TBC1D22A: variants seen among roughly 807,000 people sequenced by gnomAD.
TBC1D22A encodes putative GTPase activator.
In TBC1D22A, 38 loss-of-function variants were observed where a neutral mutation model predicts 60.2. The ratio of observed to expected loss-of-function variants is 0.63; its 90% CI spans 0.49 to 0.83. The LOEUF (loss-of-function observed/expected upper bound fraction) is 0.83, where lower values mean the gene tolerates loss of function less well. TBC1D22A is among the 40% of genes least tolerant of loss of function. The probability of loss-of-function intolerance (pLI) is 0.00; values close to 1 mark genes in which losing one functional copy is unlikely to be tolerated. For synonymous variants in TBC1D22A, 302 were observed against 281.7 expected, an observed-to-expected ratio of 1.07 and a Z score of -0.72; for missense variants, 628 against 701.0, an observed-to-expected ratio of 0.90 and a Z score of 1.18.
intron 4 of TBC1D22A, among the ~76,000 whole-genome samples, chr22:46,834,197 A>G (rs1347594090): frequency 6.6e-6 from 1 of 152,182 alleles, no homozygotes; most frequent in Non-Finnish European, 1.5e-5. Context: ...ACTCAAGGGT[A>G]TAAGGAAATA....
chr22:47,113,199 G>A lies in TBC1D22A; in HGVS notation c.1425+1596G>A, dbSNP rs546952211. 3.3e-5 allele frequency among the ~76,000 whole-genome samples: 5 copies of A among 152,316 alleles called. No individual in the cohort carries two copies. In the East Asian group the frequency reaches 5.8e-4, roughly 18 times the overall value. On this transcript the variant is annotated intron_variant, in intron 12 of 12. Coordinates refer to ENST00000337137, the MANE Select transcript of TBC1D22A (RefSeq NM_014346.5). ...GTGCCCAGAGTGCTTGGTTCCCACC[G>A]GCCAGCACACACAACTGTATGCTGC...
intron 10 of TBC1D22A, among the ~76,000 whole-genome samples, chr22:47,016,143 G>A (rs1031964362): frequency 1.3e-5 from 2 of 152,192 alleles, no homozygotes; most frequent in Non-Finnish European, 2.9e-5. Flanking sequence ...TGGTTGTTAA[G>A]ATTGTAGAAG....
At chr22:47,036,799 C>T (rs1394530360) in intron 10 of TBC1D22A, among the ~76,000 whole-genome samples, 1 of 152,246 alleles carries the variant, frequency 6.6e-6, no homozygotes, top group African/African-American at 2.4e-5. Flanking sequence ...CCCCATCTTC[C>T]TGGGTGTTAG....
chr22:46,766,125 G>A lies in TBC1D22A; in HGVS notation c.62+3277G>A, dbSNP rs1393380246. On this transcript the variant is annotated intron_variant, in intron 1 of 12. Transcript: ENST00000337137. Reference sequence around the variant, plus strand: ...CCATTTTCCTGCCTCAGCCTCCCGAGTAGCTGGGACTACAGGCGCCTGCCA... The same window carrying A: ...CCATTTTCCTGCCTCAGCCTCCCGAATAGCTGGGACTACAGGCGCCTGCCA... Among the ~76,000 whole-genome samples the A allele has an allele frequency of 3.3e-5, 5 of 152,158 alleles. No individual in the cohort carries two copies. The East Asian group carries it at 7.7e-4, about 24-fold the overall frequency.
intron 4 of TBC1D22A, among the ~76,000 whole-genome samples, chr22:46,840,132 G>C (rs377063690): frequency 3.9e-5 from 6 of 152,160 alleles, no homozygotes; most frequent in Non-Finnish European, 8.8e-5. Context: ...GCACAGCAAA[G>C]GAAATAATCA....
At chr22:47,103,603 C>T (rs1410837724) in intron 11 of TBC1D22A, among the ~76,000 whole-genome samples, 9 of 152,086 alleles carry the variant, frequency 5.9e-5, no homozygotes, top group Non-Finnish European at 1.0e-4. Context: ...GAAAGGGCAT[C>T]CTAGTTACAG....
Position 47,045,378 on chromosome 22 carries a change from C to T in TBC1D22A, c.1329+8180C>T, listed in dbSNP as rs139430814. Among the ~76,000 whole-genome samples the T allele has an allele frequency of 6.1e-3, 922 of 152,272 alleles. 9 individuals are homozygous for T. Among genetic ancestry groups the T allele is most frequent in the African/African-American group, 0.021 (874 of 41,544 alleles). On this transcript the variant is annotated intron_variant, in intron 11 of 12. Coordinates refer to ENST00000337137, the MANE Select transcript of TBC1D22A (RefSeq NM_014346.5). ...AGTCAACCTGGGCCTCCTCACTCTG[C>T]AGACGTCCAGCTCCCTCCCGGAAGC...
chr22:47,161,277 C>T (rs146337665), intron 12 of TBC1D22A, among the ~76,000 whole-genome samples: 10 of 152,316 alleles, frequency 6.6e-5, no homozygotes, highest in African/African-American at 2.4e-4. Flanking sequence ...TTTTCCCTCC[C>T]AGGCTGGCGA....
At chr22:46,912,284 T>A (rs530158950) in intron 8 of TBC1D22A, 96 bp downstream of exon 8, 5 of 800,052 alleles carry the variant, frequency 6.2e-6, no homozygotes, top group Non-Finnish European at 8.1e-6. Context: ...CTACTAAGTG[T>A]AATGTTATTA....
intron 8 of TBC1D22A, among the ~76,000 whole-genome samples, chr22:46,941,482 CGGA>C (rs2072077650): frequency 7.3e-6 from 1 of 136,394 alleles, no homozygotes; most frequent in Non-Finnish European, 1.6e-5. Flanking sequence ...AATATATATA[CGGA>C]ATATATATAC....
chr22:47,081,107 C>T (rs563845281), intron 11 of TBC1D22A, among the ~76,000 whole-genome samples: 43 of 120,724 alleles, frequency 3.6e-4, no homozygotes, highest in African/African-American at 8.4e-4. Flanking sequence ...GCAACAAGAG[C>T]GAAACTCCGT....
chr22:46,801,377 G>A (rs1005634204), intron 4 of TBC1D22A, among the ~76,000 whole-genome samples: 2 of 152,260 alleles, frequency 1.3e-5, no homozygotes, highest in Non-Finnish European at 2.9e-5. Flanking sequence ...GATGTGAGAA[G>A]TGCCTACAGA....
chr22:46,844,109 A>T lies in TBC1D22A; in HGVS notation c.638-34544A>T, dbSNP rs571982505. 3.3e-5 allele frequency among the ~76,000 whole-genome samples: 5 copies of T among 150,466 alleles called. No homozygotes were observed. In the Admixed American group the frequency reaches 3.3e-4, roughly 10 times the overall value. On this transcript the variant is annotated intron_variant, in intron 4 of 12. Coordinates refer to ENST00000337137, the MANE Select transcript of TBC1D22A (RefSeq NM_014346.5). ...AGCCAGCCTTCCTGTGGGTGTAAAC[A>T]TGTGGGTAAGGCATGCTAGATGCTG...
intron 8 of TBC1D22A, among the ~76,000 whole-genome samples, chr22:46,946,373 G>A (rs1438088748): frequency 1.3e-5 from 2 of 152,230 alleles, no homozygotes; most frequent in African/African-American, 2.4e-5. Context: ...CCCCTGACGA[G>A]CAGAGGCCTT....
At chr22:46,901,521 C>G (rs1297938762) in intron 7 of TBC1D22A, among the ~76,000 whole-genome samples, 1 of 152,184 alleles carries the variant, frequency 6.6e-6, no homozygotes, top group African/African-American at 2.4e-5. Context: ...TTGAGTAATT[C>G]ACACACCAAA....
chr22:46,820,674 G>A (rs771113032), intron 4 of TBC1D22A, among the ~76,000 whole-genome samples: 11 of 152,184 alleles, frequency 7.2e-5, no homozygotes, highest in East Asian at 1.9e-4. Context: ...TAGAATAAGC[G>A]CCATGTGGCA....
chr22:46,820,503 T>C (rs569917273), intron 4 of TBC1D22A, among the ~76,000 whole-genome samples: 51 of 152,338 alleles, frequency 3.3e-4, no homozygotes, highest in African/African-American at 1.2e-3. Context: ...CCAGGAGTCA[T>C]TCAGGAGCAA....
chr22:46,888,610 A>G (rs2068239093), intron 5 of TBC1D22A, among the ~76,000 whole-genome samples: 1 of 152,246 alleles, frequency 6.6e-6, no homozygotes, highest in South Asian at 2.1e-4. Flanking sequence ...GAGCCCAGTC[A>G]GACTTCATGG....
At chr22:47,018,985 G>A (rs1258329039) in intron 10 of TBC1D22A, among the ~76,000 whole-genome samples, 3 of 147,188 alleles carry the variant, frequency 2.0e-5, no homozygotes, top group East Asian at 2.0e-4. Flanking sequence ...GACAGCCCCC[G>A]TGCTCCTTGG....
Sources: allele counts gnomAD v4.1 joint callset (sites outside exome capture counted in the v4.1 genomes callset), GRCh38; gene constraint gnomAD v4.1.1; transcripts MANE v1.5; gene names NCBI Gene and HGNC (gene_info 2026-07-23, HGNC 2026-07-21).